PPP3CA: variants seen among roughly 807,000 people sequenced by gnomAD.
PPP3CA encodes the protein CAM-PRP catalytic subunit.
A neutral mutation model predicts 66.5 loss-of-function variants in PPP3CA; 14 were observed. The observed-to-expected ratio is 0.21, with a 90% confidence interval of 0.14 to 0.33. PPP3CA has a LOEUF of 0.33. Ranked by LOEUF, PPP3CA falls within the 10% of genes least tolerant of loss-of-function variation. The pLI, the probability that PPP3CA is intolerant of heterozygous loss-of-function variation, is 1.00. For synonymous variants in PPP3CA, 232 were observed against 226.2 expected (o/e 1.03, Z -0.23); for missense variants, 317 against 639.5 (o/e 0.50, Z 5.44).
At chr4:101,159,081 C>A (rs1021448974) in intron 2 of PPP3CA, among the ~76,000 whole-genome samples, 1 of 152,136 alleles carries the variant, frequency 6.6e-6, no homozygotes, top group African/African-American at 2.4e-5. Flanking sequence ...CTCCATTATG[C>A]AGACGAGGAA....
chr4:101,143,143 G>T (rs937042814), intron 2 of PPP3CA, among the ~76,000 whole-genome samples: 5 of 151,982 alleles, frequency 3.3e-5, no homozygotes, highest in African/African-American at 1.2e-4. Context: ...TCTGTTTTCT[G>T]GTTCTCTACT....
intron 2 of PPP3CA, among the ~76,000 whole-genome samples, chr4:101,143,841 T>C (rs958652068): frequency 6.6e-6 from 1 of 152,172 alleles, no homozygotes; most frequent in African/African-American, 2.4e-5. Flanking sequence ...GGTGGTTTCA[T>C]TTAGGTGTCA....
At chr4:101,104,481 T>C (rs766055626) in intron 3 of PPP3CA, among the ~76,000 whole-genome samples, 7 of 151,744 alleles carry the variant, frequency 4.6e-5, no homozygotes, top group Non-Finnish European at 1.0e-4. Flanking sequence ...TGCTTTGTGG[T>C]ACATGTAATG....
chr4:101,099,598 G>T lies in PPP3CA; in HGVS notation c.496+13C>A. 6.8e-7 allele frequency: 1 copy of T among 1,468,052 alleles called. No homozygotes were observed. The highest frequency in any genetic ancestry group is 9.4e-7 in the Non-Finnish European group (1 of 1,062,954). The allele number at this position is 1,468,052 out of a possible 1,614,324, so 90.9% of individuals were successfully genotyped here. A position where few individuals can be genotyped will look rare whatever the true frequency, so the allele number is the denominator to read the frequency against. Reference sequence around the variant, plus strand: ...CATATAGTGTTAAAGGAAGGAGGTTGAAGTATACTTACATTCTTGTTTAAA... The same window carrying T: ...CATATAGTGTTAAAGGAAGGAGGTTTAAGTATACTTACATTCTTGTTTAAA... On this transcript the variant is annotated intron_variant, in intron 4 of 13. Coordinates refer to ENST00000394854, the MANE Select transcript of PPP3CA (RefSeq NM_000944.5).
chr4:101,222,692 A>G (rs1361631751), intron 1 of PPP3CA, among the ~76,000 whole-genome samples: 1 of 151,738 alleles, frequency 6.6e-6, no homozygotes, highest in Non-Finnish European at 1.5e-5. Flanking sequence ...AATATCATTT[A>G]CATCAAAGAT....
chr4:101,090,224 T>C (rs1405050324), intron 6 of PPP3CA, among the ~76,000 whole-genome samples: 1 of 152,174 alleles, frequency 6.6e-6, no homozygotes, highest in African/African-American at 2.4e-5. Flanking sequence ...TTCTCCTCCT[T>C]AGATAAAACA....
chr4:101,225,747 T>C (rs1302482186), intron 1 of PPP3CA, among the ~76,000 whole-genome samples: 1 of 151,824 alleles, frequency 6.6e-6, no homozygotes, highest in Non-Finnish European at 1.5e-5. Flanking sequence ...ATATGATGAC[T>C]ACTAATAGGA....
At position 101,333,247 on chromosome 4, in the gene PPP3CA, A is replaced by G. The variant is rs147418990; in HGVS notation, c.58+13492T>C. ...AGCCTCCTGAGCAGCAGCTGGGACT[A>G]CAGGCATGCACTACCATGCCCAGTT... On this transcript the variant is annotated intron_variant, in intron 1 of 13. Coordinates refer to ENST00000394854, the MANE Select transcript of PPP3CA (RefSeq NM_000944.5). Among the ~76,000 whole-genome samples the G allele has an allele frequency of 4.1e-3, 551 of 135,052 alleles. 3 individuals are homozygous for G. Among genetic ancestry groups the G allele is most frequent in the African/African-American group, 0.014 (522 of 36,158 alleles). The allele number at this position is 135,052 out of a possible 152,430, so 88.6% of individuals were successfully genotyped here.
intron 2 of PPP3CA, among the ~76,000 whole-genome samples, chr4:101,109,897 C>A (rs886937622): frequency 3.9e-5 from 6 of 151,984 alleles, no homozygotes; most frequent in African/African-American, 1.2e-4. Context: ...ACTTTCAGAA[C>A]TCTAAAAATA....
At position 101,169,407 on chromosome 4, in the gene PPP3CA, C is replaced by G. The variant is rs549642473; in HGVS notation, c.259+26509G>C. Among the ~76,000 whole-genome samples, 4 of 152,246 alleles carry G rather than the reference C, an allele frequency of 2.6e-5. No individual in the cohort carries two copies. In the East Asian group the frequency reaches 7.7e-4, roughly 29 times the overall value. On this transcript the variant is annotated intron_variant, in intron 2 of 13. Transcript: ENST00000394854. ...ACTCTGGCTATGTCCTACAGTACTC[C>G]AGAGGGCGCTATTTACCAGGCTACC... is the stretch of plus-strand genomic sequence containing the variant.
intron 1 of PPP3CA, among the ~76,000 whole-genome samples, chr4:101,221,220 G>C (rs1486117346): frequency 2.0e-5 from 3 of 151,598 alleles, no homozygotes; most frequent in Admixed American, 6.6e-5. Context: ...GTGATAGAAA[G>C]AGTAACAGAC....
chr4:101,260,366 G>A (rs1177711225), intron 1 of PPP3CA, among the ~76,000 whole-genome samples: 3 of 152,000 alleles, frequency 2.0e-5, no homozygotes, highest in Non-Finnish European at 2.9e-5. Context: ...AGAACACTTC[G>A]TAATCAAAAC....
rs534850457 is a variant in PPP3CA, at chr4:101,066,558, A to G, written c.956-3201T>C. On this transcript the variant is annotated intron_variant, in intron 8 of 13. Transcript: ENST00000394854. Reference sequence around the variant, plus strand: ...ATCCTAAAATTAAAAATGAAACTACAACAATATGTATTCTTTTTTCTTCAG... The same window carrying G: ...ATCCTAAAATTAAAAATGAAACTACGACAATATGTATTCTTTTTTCTTCAG... Among the ~76,000 whole-genome samples the G allele has an allele frequency of 1.7e-3, 261 of 152,256 alleles. 2 individuals carry two copies. The highest frequency in any genetic ancestry group is 0.017 in the Middle Eastern group (5 of 294).
chr4:101,094,505 T>C (rs893988550), intron 5 of PPP3CA, among the ~76,000 whole-genome samples: 22 of 152,182 alleles, frequency 1.4e-4, no homozygotes, highest in Non-Finnish European at 2.2e-4. Flanking sequence ...TACTATTTCA[T>C]TATGGGCTAT....
chr4:101,211,875 T>C (rs1725309692), intron 1 of PPP3CA, among the ~76,000 whole-genome samples: 1 of 152,174 alleles, frequency 6.6e-6, no homozygotes, highest in Admixed American at 6.6e-5. Context: ...TTAGTTTTGA[T>C]TTATCTAATT....
intron 1 of PPP3CA, among the ~76,000 whole-genome samples, chr4:101,200,447 C>A (rs973102286): frequency 6.6e-6 from 1 of 151,996 alleles, no homozygotes; most frequent in Admixed American, 6.6e-5. Context: ...ATTCATGTAA[C>A]CTGGGATGTA....
intron 1 of PPP3CA, among the ~76,000 whole-genome samples, chr4:101,248,673 G>A (rs1281267778): frequency 6.6e-6 from 1 of 152,094 alleles, no homozygotes; most frequent in Admixed American, 6.5e-5. Context: ...TTGCATTTCA[G>A]ATTACTAATG....
At chr4:101,104,089 T>C (rs1730556170) in intron 3 of PPP3CA, among the ~76,000 whole-genome samples, 1 of 152,172 alleles carries the variant, frequency 6.6e-6, no homozygotes, top group Non-Finnish European at 1.5e-5. Flanking sequence ...GCACATTACC[T>C]AGTGCTTATA....
intron 12 of PPP3CA, 70 bp from the exon 13 acceptor site, chr4:101,029,265 A>AATC: frequency 1.4e-6 from 2 of 1,409,972 alleles, no homozygotes; most frequent in Non-Finnish European, 2.0e-6. Flanking sequence ...TCTAAGAACA[A>AATC]ATCAGTGACC....
Sources: gnomAD v4.1 joint callset for allele counts (sites outside exome capture counted in the v4.1 genomes callset) on GRCh38, gnomAD v4.1.1 for gene constraint, MANE v1.5 for transcripts, NCBI Gene and HGNC (gene_info 2026-07-23, HGNC 2026-07-21) for gene names.